Variants in ALK observed in about 807,000 individuals in gnomAD.
ALK encodes the protein ALK receptor tyrosine kinase.
A neutral mutation model predicts 163.1 loss-of-function variants in ALK; 74 were observed. The observed-to-expected ratio is 0.45, with a 90% CI of 0.38 to 0.55. The LOEUF (loss-of-function observed/expected upper bound fraction) is 0.55, where lower values mean the gene tolerates loss of function less well. Among genes scored for constraint, ALK ranks in the 20% least tolerant of loss-of-function variants. The pLI is 0.00. For synonymous variants in ALK, 960 were observed against 843.2 expected (o/e 1.14, Z -2.40); for missense variants, 2,063 against 2,105.3 (o/e 0.98, Z 0.39).
chr2:29,658,446 C>G (rs1008275408), intron 3 of ALK, among the ~76,000 whole-genome samples: 1 of 152,174 alleles, frequency 6.6e-6, no homozygotes, highest in African/African-American at 2.4e-5. Context: ...TCCTTTCTAG[C>G]ATTATGAAAT....
At chr2:29,681,941 C>G (rs1268915134) in intron 3 of ALK, among the ~76,000 whole-genome samples, 5 of 152,152 alleles carry the variant, frequency 3.3e-5, no homozygotes, top group Non-Finnish European at 5.9e-5. Flanking sequence ...TTCTGGAATT[C>G]ACCTCTCTTA....
At chr2:29,793,398 C>G (rs965169706) in intron 1 of ALK, among the ~76,000 whole-genome samples, 2 of 152,146 alleles carry the variant, frequency 1.3e-5, no homozygotes, top group African/African-American at 4.8e-5. Flanking sequence ...TTCTTCCAAA[C>G]CCCTGTTCAT....
intron 2 of ALK, among the ~76,000 whole-genome samples, chr2:29,703,051 T>C (rs1472550793): frequency 6.6e-6 from 1 of 152,238 alleles, no homozygotes; most frequent in East Asian, 1.9e-4. Flanking sequence ...TCAGGATGTA[T>C]CTGTTTTCAG....
chr2:29,293,732 C>A (rs1666101607), intron 9 of ALK, among the ~76,000 whole-genome samples: 1 of 152,086 alleles, frequency 6.6e-6, no homozygotes, highest in Admixed American at 6.5e-5. Context: ...GAAACTAGCG[C>A]TGGACAGATC....
At chr2:29,205,054 A>G (rs766145800) in intron 26 of ALK, among the ~76,000 whole-genome samples, 7 of 152,204 alleles carry the variant, frequency 4.6e-5, no homozygotes, top group Non-Finnish European at 1.0e-4. Flanking sequence ...AGCCATGCCT[A>G]TCTCCTTGAG....
chr2:29,270,845 T>G (rs931791725), intron 11 of ALK, among the ~76,000 whole-genome samples: 3 of 152,180 alleles, frequency 2.0e-5, no homozygotes, highest in Non-Finnish European at 2.9e-5. Context: ...TCCTGCTTCC[T>G]GCTCTGACTT....
chr2:29,230,598 G>A (rs1206398950), intron 15 of ALK, among the ~76,000 whole-genome samples: 1 of 152,184 alleles, frequency 6.6e-6, no homozygotes, highest in Non-Finnish European at 1.5e-5. Context: ...GCCAGGTTTT[G>A]AAAATGAAGC....
chr2:29,869,601 C>T (rs1048657580), intron 1 of ALK, among the ~76,000 whole-genome samples: 3 of 151,942 alleles, frequency 2.0e-5, no homozygotes, highest in Non-Finnish European at 2.9e-5. Context: ...AATCTACTTG[C>T]TATAAATCAA....
intron 13 of ALK, among the ~76,000 whole-genome samples, chr2:29,236,137 C>T (rs1664375329): frequency 6.6e-6 from 1 of 152,016 alleles, no homozygotes; most frequent in Non-Finnish European, 1.5e-5. Context: ...CCATCACACC[C>T]TGCTCAGTCT....
chr2:29,252,353 G>A (rs532258149), intron 11 of ALK, among the ~76,000 whole-genome samples: 67 of 152,332 alleles, frequency 4.4e-4, no homozygotes, highest in African/African-American at 1.5e-3. Context: ...TCATAAGATT[G>A]CAGAAATTCC....
chr2:29,794,163 G>T (rs532268788), intron 1 of ALK, among the ~76,000 whole-genome samples: 2 of 152,178 alleles, frequency 1.3e-5, no homozygotes, highest in Non-Finnish European at 2.9e-5. Flanking sequence ...GCTTCACCTC[G>T]CACTTTCATG....
chr2:29,457,539 G>A (rs1411453278), intron 4 of ALK, among the ~76,000 whole-genome samples: 1 of 152,060 alleles, frequency 6.6e-6, no homozygotes, highest in Non-Finnish European at 1.5e-5. Flanking sequence ...CCCAGGTGAG[G>A]CCCTGAACCC....
At chr2:29,868,464 T>C (rs572366317) in intron 1 of ALK, among the ~76,000 whole-genome samples, 17 of 152,160 alleles carry the variant, frequency 1.1e-4, no homozygotes, top group Non-Finnish European at 2.1e-4. Context: ...ATAAGTGTAA[T>C]TGAAGAAAAA....
intron 1 of ALK, among the ~76,000 whole-genome samples, chr2:29,739,537 G>A (rs1165650809): frequency 1.1e-4 from 17 of 148,208 alleles, no homozygotes; most frequent in African/African-American, 2.5e-4. Context: ...CAGCCTGGGC[G>A]ACAGTGCGTG....
intron 3 of ALK, among the ~76,000 whole-genome samples, chr2:29,654,745 A>G (rs1236999965): frequency 6.6e-6 from 1 of 152,204 alleles, no homozygotes; most frequent in Non-Finnish European, 1.5e-5. Context: ...ATGCCATAGC[A>G]AATTAAGAGT....
intron 1 of ALK, among the ~76,000 whole-genome samples, chr2:29,838,676 A>G (rs1442235810): frequency 2.6e-5 from 4 of 152,224 alleles, no homozygotes; most frequent in Non-Finnish European, 5.9e-5. Flanking sequence ...GCAAAAGTAC[A>G]TCTGTGCCAT....
At chr2:29,598,659 C>T (rs1675285246) in intron 3 of ALK, among the ~76,000 whole-genome samples, 1 of 151,910 alleles carries the variant, frequency 6.6e-6, no homozygotes, top group Non-Finnish European at 1.5e-5. Context: ...ATTTCAATTA[C>T]AGAATATATA....
intron 4 of ALK, among the ~76,000 whole-genome samples, chr2:29,517,033 T>C (rs995472612): frequency 1.7e-4 from 25 of 149,670 alleles, no homozygotes; most frequent in Admixed American, 3.3e-4. Flanking sequence ...TCAACAAAAA[T>C]TTATTGAATA....
intron 3 of ALK, among the ~76,000 whole-genome samples, chr2:29,630,614 C>T (rs1039150800): frequency 6.6e-6 from 1 of 151,906 alleles, no homozygotes; most frequent in Non-Finnish European, 1.5e-5. Context: ...AAATATTGTT[C>T]TTAAGGGTAT....
Sources: allele counts gnomAD v4.1 joint callset (sites outside exome capture counted in the v4.1 genomes callset), GRCh38; gene constraint gnomAD v4.1.1; transcripts MANE v1.5; gene names NCBI Gene and HGNC (gene_info 2026-07-23, HGNC 2026-07-21).